Variants in ACE observed in about 807,000 individuals in gnomAD.
ACE encodes the protein angiotensin-converting enzyme.
A neutral mutation model predicts 162.3 loss-of-function variants in ACE; 122 were observed. The observed-to-expected ratio is 0.75, with a 90% CI of 0.65 to 0.87. ACE has a LOEUF of 0.87. ACE is among the 40% of genes least tolerant of loss of function. The pLI is 0.00. For synonymous variants in ACE, 796 were observed against 720.6 expected, an observed-to-expected ratio of 1.10 and a Z score of -1.68; for missense variants, 1,799 against 1,735.1, an observed-to-expected ratio of 1.04 and a Z score of -0.65.
chr17:63,487,033 T>C lies in ACE; in HGVS notation c.2265T>C (p.Thr755=). The stretch of plus-strand genomic sequence containing the variant: ...TGGAAACCACCTACAGCGTGGCCAC[T>C]GTGTGCCACCCGAATGGCAGCTGCC... ...LDMETTYSVA[T]VCHPNGSCLQ... is the part of the protein sequence containing the mutation. Residue 755 remains threonine, a synonymous_variant, in exon 15 of 25, where the codon ACT becomes ACC. Transcript: ENST00000290866. 1 of 1,613,818 alleles carries C rather than the reference T, an allele frequency of 6.2e-7. No homozygotes were observed. Among genetic ancestry groups the C allele is most frequent in the South Asian group, 1.1e-5 (1 of 91,084 alleles).
rs541823778 is a variant in ACE, at chr17:63,491,158, G to C, written c.2740-51G>C. 1.9e-6 allele frequency: 3 copies of C among 1,611,346 alleles called. No individual in the cohort carries two copies. The highest frequency in any genetic ancestry group is 8.5e-7 in the Non-Finnish European group (1 of 1,178,576). On this transcript the variant is annotated intron_variant, in intron 18 of 24. Transcript: ENST00000290866. The surrounding 1 kb of genome is among the most constrained non-coding windows in gnomAD (Gnocchi z 4.4). ...TCCCCCGGGATCCCCACGGCAGCAC[G>C]CAGTCTGTCCCCGGAACCCCCAGTT...
In ACE at chr17:63,483,944, G is replaced by C. The variant is rs780299861; in HGVS notation, c.1682G>C (p.Arg561Pro). ...CCACTGCACCAGTGTGACATCTACC[G>C]GTCCACCAAGGCAGGGGCCAAGCTC... ...EGPLHQCDIY[R>P]STKAGAKLRK... Residue 561 changes from arginine to proline, a missense_variant, in exon 11 of 25, where the codon CGG (arginine) becomes CCG (proline). Physicochemically the swap from Arg to Pro is moderately radical, Grantham distance 103 (BLOSUM62 -2). Transcript: ENST00000290866. The C allele has an allele frequency of 3.7e-6, 6 of 1,613,900 alleles. No individual in the cohort carries two copies. The highest frequency in any genetic ancestry group is 4.2e-6 in the Non-Finnish European group (5 of 1,179,994).
chr17:63,477,855 A>G, intron 1 of ACE, 76 bp from the exon 2 acceptor site: 1 of 1,540,046 alleles, frequency 6.5e-7, no homozygotes, highest in Non-Finnish European at 8.8e-7. Context: ...CCCCTCCCCC[A>G]GCACCGTGGC....
chr17:63,488,677 A>T lies in ACE; in HGVS notation c.2335A>T (p.Lys779Ter). 6.2e-7 allele frequency: 1 copy of T among 1,613,460 alleles called. No homozygotes were observed. The highest frequency in any genetic ancestry group is 8.5e-7 in the Non-Finnish European group (1 of 1,179,924). ...DLTNVMATSR[K>*]YEDLLWAWEG... Reference sequence around the variant, plus strand: ...GACGAATGTGATGGCCACGTCCCGGAAATATGAAGACCTGTTATGGGCATG... The same window carrying T: ...GACGAATGTGATGGCCACGTCCCGGTAATATGAAGACCTGTTATGGGCATG... Residue 779 changes from lysine to a stop codon, truncating the protein, a stop_gained, in exon 16 of 25, where the codon AAA (lysine) becomes TAA (stop). Transcript: ENST00000290866. LOFTEE classifies it high-confidence loss of function.
At chr17:63,494,218 G>C in intron 21 of ACE, 152 bp downstream of exon 21, 1 of 1,323,088 alleles carries the variant, frequency 7.6e-7, no homozygotes. Context: ...AAGTGATGGG[G>C]AAAACGGGGT....
chr17:63,486,672 A>G lies in ACE; in HGVS notation c.2174A>G (p.Gln725Arg). The change falls in exon 14 of 25, where the codon CAG becomes CGG. Residue 725 changes from glutamine (Q) to arginine (R), a missense_variant. Physicochemically the swap from Gln to Arg is conservative, Grantham distance 43. Transcript: ENST00000290866. ...TTIKRIIKKVQDLERAALPAQ... is the reference protein window; with the variant it reads ...TTIKRIIKKVRDLERAALPAQ... ...ATCAAGCGGATCATAAAGAAGGTTCAGGACCTAGAACGGGCAGCACTGCCT... is the reference window on the plus strand; with the variant it reads ...ATCAAGCGGATCATAAAGAAGGTTCGGGACCTAGAACGGGCAGCACTGCCT... 6.2e-7 allele frequency: 1 copy of G among 1,614,264 alleles called. No individual in the cohort carries two copies.
At chr17:63,493,326 G>A in intron 19 of ACE, 110 bp from the exon 20 acceptor site, 3 of 1,009,806 alleles carry the variant, frequency 3.0e-6, no homozygotes, top group South Asian at 1.4e-5. Flanking sequence ...TCCCCTGCAT[G>A]CTGCAGTGCT....
In ACE at chr17:63,486,716, G is replaced by T; in HGVS notation, c.2217+1G>T. 1 of 1,614,184 alleles carries T rather than the reference G, an allele frequency of 6.2e-7. No homozygotes were observed. Among genetic ancestry groups the T allele is most frequent in the South Asian group, 1.1e-5 (1 of 91,084 alleles). On this transcript the variant is annotated splice_donor_variant, in intron 14 of 24. Transcript: ENST00000290866. LOFTEE classifies it high-confidence loss of function. ...ACTGCCTGCCCAGGAGCTGGAGGAG[G>T]TGTGTGGCTCGCAAGGTACAGGGAG...
chr17:63,493,401 TC>T, intron 19 of ACE, 34 bp from the exon 20 acceptor site: 3 of 1,605,480 alleles, frequency 1.9e-6, no homozygotes, highest in Non-Finnish European at 2.6e-6. Flanking sequence ...CACTGTCCTC[TC>T]CCAACACCCT....
Position 63,483,567 on chromosome 17 carries a change from G to GCGGGGCCCCC in ACE, c.1586+10_1586+11insGGGGCCCCCC. ...GTGACACCATACATCAGGTATTAGC[G>GCGGGGCCCCC]CCCCCACCCCACCCACCCCCAGTAC... On this transcript the variant is annotated intron_variant, in intron 10 of 24. Coordinates refer to ENST00000290866, the MANE Select transcript of ACE (RefSeq NM_000789.4). 1.9e-6 allele frequency: 3 copies of GCGGGGCCCCC among 1,589,554 alleles called. No homozygotes were observed. Among genetic ancestry groups the GCGGGGCCCCC allele is most frequent in the Non-Finnish European group, 2.6e-6 (3 of 1,165,662 alleles).
rs2049634095 is a variant in ACE, at chr17:63,477,351, C to G, written c.249+8C>G. 7.9e-7 allele frequency: 1 copy of G among 1,262,262 alleles called. No homozygotes were observed. The highest frequency in any genetic ancestry group is 1.0e-6 in the Non-Finnish European group (1 of 995,300). 78.2% of individuals were successfully genotyped at this position (1,262,262 alleles called of 1,614,324 possible). ...GAGAATGCAAGGCGCCAGGTGGGCG[C>G]CCGGGCCCGGGCGGGGGCGGGGCGG... is the stretch of plus-strand genomic sequence containing the variant. On this transcript the variant is annotated splice_region_variant and intron_variant, in intron 1 of 24. Coordinates refer to ENST00000290866, the MANE Select transcript of ACE (RefSeq NM_000789.4).
In ACE at chr17:63,478,156, G is replaced by T. The variant is rs754220619; in HGVS notation, c.417+58G>T. ...GGCCTCCTAGTGCCCCATCGTGGGG[G>T]TCGGGGGAGAGCAGCCCATCAGGGA... On this transcript the variant is annotated intron_variant, in intron 2 of 24. Coordinates refer to ENST00000290866, the MANE Select transcript of ACE (RefSeq NM_000789.4). The T allele has an allele frequency of 7.6e-5, 118 of 1,544,236 alleles. No homozygotes were observed. The East Asian group carries it at 2.8e-3, about 37-fold the overall frequency.
Position 63,497,420 on chromosome 17 carries a change from G to A in ACE, c.*54G>A. ...AGGGCCTCCCACCAGAGACTGGGAT[G>A]GGAACACTGGTGGGCAGCTGAGGAC... On this transcript the variant is annotated 3_prime_UTR_variant, in exon 25 of 25. Coordinates refer to ENST00000290866, the MANE Select transcript of ACE (RefSeq NM_000789.4). 1 of 1,470,726 alleles carries A rather than the reference G, an allele frequency of 6.8e-7. No homozygotes were observed. The highest frequency in any genetic ancestry group is 9.3e-7 in the Non-Finnish European group (1 of 1,079,662). 91.1% of individuals were successfully genotyped at this position (1,470,726 alleles called of 1,614,324 possible).
chr17:63,496,216 TA>T, intron 22 of ACE, 177 bp from the exon 23 acceptor site: 1 of 866,840 alleles, frequency 1.2e-6, no homozygotes, highest in South Asian at 1.5e-5. Flanking sequence ...CAGACAATGC[TA>T]AGAGCTGGGG....
intron 1 of ACE, 133 bp from the exon 2 acceptor site, chr17:63,477,798 G>A: frequency 3.6e-6 from 4 of 1,115,956 alleles, no homozygotes; most frequent in South Asian, 1.5e-5. Context: ...AAGGTCTCCC[G>A]CAGGGATCTC....
Position 63,486,691 on chromosome 17 carries a change from A to T in ACE, c.2193A>T (p.Ala731=), listed in dbSNP as rs4331. 1 of 1,613,888 alleles carries T rather than the reference A, an allele frequency of 6.2e-7. No individual in the cohort carries two copies. The highest frequency in any genetic ancestry group is 8.5e-7 in the Non-Finnish European group (1 of 1,179,938). ...AGGTTCAGGACCTAGAACGGGCAGC[A>T]CTGCCTGCCCAGGAGCTGGAGGAGG... ...IKKVQDLERA[A]LPAQELEEYN... Residue 731 remains alanine (A), a synonymous_variant, in exon 14 of 25, where the codon GCA becomes GCT. Coordinates refer to ENST00000290866, the MANE Select transcript of ACE (RefSeq NM_000789.4).
At chr17:63,481,223 T>TGGGGGGGGC in intron 6 of ACE, 35 bp downstream of exon 6, 5 of 529,336 alleles carry the variant, frequency 9.4e-6, no homozygotes, top group African/African-American at 2.3e-5. Flanking sequence ...GTGGTGGGGG[T>TGGGGGGGGC]CGGGGGTGGG....
At position 63,477,976 on chromosome 17, in the gene ACE, C is replaced by G. The variant is rs749853877; in HGVS notation, c.295C>G (p.Gln99Glu). ...CCAGGAGTTTGCGGAGGCCTGGGGC[C>G]AGAAGGCCAAGGAGCTGTATGAACC... ...LSQEFAEAWG[Q>E]KAKELYEPIW... is the part of the protein sequence containing the mutation. Residue 99 changes from glutamine to glutamate, a missense_variant, in exon 2 of 25, where the codon CAG (glutamine) becomes GAG (glutamate). Gln to Glu is a conservative substitution (Grantham distance 29). Transcript: ENST00000290866. The G allele has an allele frequency of 4.3e-6, 7 of 1,612,220 alleles. No homozygotes were observed. In the African/African-American group the frequency reaches 9.3e-5, roughly 22 times the overall value.
At position 63,496,433 on chromosome 17, in the gene ACE, G is replaced by A. The variant is rs1276287470; in HGVS notation, c.3420G>A (p.Glu1140=). The change falls in exon 23 of 25, where the codon GAG becomes GAA. Residue 1140 remains glutamate (E), a synonymous_variant. Transcript: ENST00000290866. ...TCATCATCCAGTTCCAGTTCCACGA[G>A]GCACTGTGCCAGGCAGCTGGCCACA... The part of the protein sequence containing the change: ...VSFIIQFQFH[E]ALCQAAGHTG... 3 of 1,614,232 alleles carry A rather than the reference G, an allele frequency of 1.9e-6. No homozygotes were observed. Among genetic ancestry groups the A allele is most frequent in the Non-Finnish European group, 2.5e-6 (3 of 1,180,042 alleles).
Sources: gnomAD v4.1 joint callset for allele counts on GRCh38, gnomAD v4.1.1 for gene constraint, Gnocchi (gnomAD v3.1) non-coding constraint, MANE v1.5 for transcripts, NCBI Gene and HGNC (gene_info 2026-07-23, HGNC 2026-07-21) for gene names.